The following OTOL1 variants were observed in gnomAD, a reference collection of about 807,000 sequenced individuals.
The protein encoded by OTOL1 is otolin 1.
In OTOL1, 31 loss-of-function variants were observed where a neutral mutation model predicts 25.0. That is an observed-to-expected ratio of 1.24 (90% confidence interval 0.93 to 1.67). The LOEUF (loss-of-function observed/expected upper bound fraction) is 1.67. Among genes scored for constraint, OTOL1 ranks in the 40% most tolerant of loss-of-function variants. OTOL1 has a pLI of 0.00. For synonymous variants in OTOL1, 225 were observed against 210.3 expected, an observed-to-expected ratio of 1.07 and a Z score of -0.61; for missense variants, 654 against 587.7, an observed-to-expected ratio of 1.11 and a Z score of -1.17.
At chr3:161,502,624 T>C (rs1719002214) in intron 3 of OTOL1, among the ~76,000 whole-genome samples, 1 of 152,210 alleles carries the variant, frequency 6.6e-6, no homozygotes, top group Non-Finnish European at 1.5e-5. Context: ...GTTCTGGGTC[T>C]CAGTTTCCTT....
chr3:161,502,904 C>G, intron 3 of OTOL1, 122 bp from the exon 4 acceptor site: 1 of 675,234 alleles, frequency 1.5e-6, no homozygotes, highest in East Asian at 3.3e-5. Flanking sequence ...ACAGTTTTTA[C>G]TGAGGAAAGA....
chr3:161,502,032 AATTTTTTGT>A (rs1450038328), intron 2 of OTOL1, among the ~76,000 whole-genome samples: 3 of 152,040 alleles, frequency 2.0e-5, no homozygotes, highest in African/African-American at 7.2e-5. Context: ...AAACCCGGCT[AATTTTTTGT>A]ATTTTTTGTA....
At chr3:161,499,058 C>A in intron 1 of OTOL1, 113 bp from the exon 2 acceptor site, 1 of 822,228 alleles carries the variant, frequency 1.2e-6, no homozygotes, top group South Asian at 1.6e-5. Flanking sequence ...CAGATTTTAC[C>A]ATTAGGTCAT....
intron 2 of OTOL1, among the ~76,000 whole-genome samples, chr3:161,501,889 C>T (rs921616513): frequency 7.9e-5 from 12 of 152,018 alleles, no homozygotes; most frequent in African/African-American, 2.7e-4. Context: ...TTTTTTTTGA[C>T]CAAGTCTCAC....
chr3:161,498,426 C>T (rs752316663), intron 1 of OTOL1, among the ~76,000 whole-genome samples: 1 of 152,098 alleles, frequency 6.6e-6, no homozygotes. Context: ...CTGACTGGTT[C>T]TGCCACAGAG....
At position 161,503,689 on chromosome 3, in the gene OTOL1, T is replaced by A. The variant is rs1229774073; in HGVS notation, c.1181T>A (p.Ile394Asn). The A allele has an allele frequency of 1.2e-6, 2 of 1,613,540 alleles. No homozygotes were observed. The highest frequency in any genetic ancestry group is 1.7e-6 in the Non-Finnish European group (2 of 1,179,760). ...GGGACATATGTTTTTTCCTACCATA[T>A]TACGGTGAGGGGGCGACCTGCTCGA... ...IPGTYVFSYH[I>N]TVRGRPARIS... Residue 394 changes from isoleucine to asparagine, a missense_variant, in exon 4 of 4, where the codon ATT becomes AAT. Physicochemically the swap from Ile to Asn is moderately radical, Grantham distance 149 (BLOSUM62 -3). Transcript: ENST00000327928.
intron 2 of OTOL1, 81 bp downstream of exon 2, chr3:161,499,341 A>C: frequency 2.1e-6 from 2 of 961,400 alleles, no homozygotes; most frequent in South Asian, 3.1e-5. Context: ...TAAAGACTAG[A>C]TTCTTGCAGA....
Position 161,502,508 on chromosome 3 carries a change from C to G in OTOL1, c.517+139C>G, listed in dbSNP as rs1225693726. The stretch of plus-strand genomic sequence containing the variant: ...GTTATTCTTCTAATAATTCAGTGTA[C>G]TGACTCAGTGAAGGAGAACCAGTCT... On this transcript the variant is annotated intron_variant, in intron 3 of 3. Coordinates refer to ENST00000327928, the MANE Select transcript of OTOL1 (RefSeq NM_001080440.1). The G allele has an allele frequency of 2.0e-5, 15 of 756,224 alleles. No homozygotes were observed. In the East Asian group the frequency reaches 4.1e-4, roughly 21 times the overall value. 46.8% of individuals were successfully genotyped at this position (756,224 alleles called of 1,614,324 possible). A position where few individuals can be genotyped will look rare whatever the true frequency, so the allele number is the denominator to read the frequency against.
At position 161,503,798 on chromosome 3, in the gene OTOL1, C is replaced by T. The variant is rs759583673; in HGVS notation, c.1290C>T (p.Leu430=). 1.7e-5 allele frequency: 27 copies of T among 1,613,760 alleles called. No homozygotes were observed. Among genetic ancestry groups the T allele is most frequent in the East Asian group, 4.5e-5 (2 of 44,864 alleles). Residue 430 remains leucine (L), a synonymous_variant, in exon 4 of 4, where the codon CTC becomes CTT. Coordinates refer to ENST00000327928, the MANE Select transcript of OTOL1 (RefSeq NM_001080440.1). ...YGQEIDQASL[L]VILKLSAGDQ... is the part of the protein sequence containing the mutation. Reference sequence around the variant, plus strand: ...AGGAAATAGACCAGGCCTCTCTCCTCGTCATCTTGAAATTAAGTGCAGGAG... The same window carrying T: ...AGGAAATAGACCAGGCCTCTCTCCTTGTCATCTTGAAATTAAGTGCAGGAG...
In OTOL1 at chr3:161,497,107, T is replaced by A. The variant is rs200381936; in HGVS notation, c.300T>A (p.Asn100Lys). ...TTGACCCAGCTGATTTCTTTTTGAA[T>A]TGTTGTGATTGTTGTTCACCTGTAC... ...FTLDPADFFLNCCDCCSPVPG... is the reference protein window; with the variant it reads ...FTLDPADFFLKCCDCCSPVPG... The change falls in exon 1 of 4, where the codon AAT (asparagine) becomes AAA (lysine). Residue 100 changes from asparagine (N) to lysine (K), a missense_variant. By Grantham distance (94) the Asn-to-Lys change is moderately conservative. Coordinates refer to ENST00000327928, the MANE Select transcript of OTOL1 (RefSeq NM_001080440.1). 143 of 1,613,578 alleles carry A rather than the reference T, an allele frequency of 8.9e-5. 1 individual carries two copies. The East Asian group carries it at 3.2e-3, about 36-fold the overall frequency.
In OTOL1 at chr3:161,503,223, G is replaced by C; in HGVS notation, c.715G>C (p.Gly239Arg). Residue 239 changes from glycine to arginine, a missense_variant, in exon 4 of 4, where the codon GGG (glycine) becomes CGG (arginine). By Grantham distance (125) the Gly-to-Arg change is moderately radical. Coordinates refer to ENST00000327928, the MANE Select transcript of OTOL1 (RefSeq NM_001080440.1). Reference protein sequence around the residue: ...KGEMGEKGEMGDKGCCGDSGE... With the variant: ...KGEMGEKGEMRDKGCCGDSGE... ...GGAGATGGGGGAGAAGGGGGAGATG[G>C]GGGATAAGGGCTGCTGTGGAGATTC... 1 of 1,449,694 alleles carries C rather than the reference G, an allele frequency of 6.9e-7. No individual in the cohort carries two copies. Among genetic ancestry groups the C allele is most frequent in the South Asian group, 1.5e-5 (1 of 66,706 alleles). 89.8% of individuals were successfully genotyped at this position (1,449,694 alleles called of 1,614,324 possible).
intron 1 of OTOL1, among the ~76,000 whole-genome samples, 183 bp downstream of exon 1, chr3:161,497,354 T>G (rs1417604516): frequency 6.6e-6 from 1 of 152,096 alleles, no homozygotes; most frequent in Non-Finnish European, 1.5e-5. Flanking sequence ...TTAATAAATA[T>G]TAAAATTAAA....
chr3:161,498,565 T>C (rs1202125489), intron 1 of OTOL1, among the ~76,000 whole-genome samples: 7 of 152,194 alleles, frequency 4.6e-5, no homozygotes, highest in Non-Finnish European at 8.8e-5. Flanking sequence ...AAGCCTCTGA[T>C]CTCATCAGTT....
chr3:161,499,554 T>A (rs1398000569), intron 2 of OTOL1, among the ~76,000 whole-genome samples: 1 of 152,236 alleles, frequency 6.6e-6, no homozygotes, highest in South Asian at 2.1e-4. Context: ...CCACAGAGTA[T>A]AGTCTCTGGG....
rs759794535 is a variant in OTOL1 at position 161,503,712 on chromosome 3, C to T, written c.1204C>T (p.Arg402Ter). ...YHITVRGRPA[R>*]ISLVAQNKKQ... ...TATTACGGTGAGGGGGCGACCTGCTCGAATCAGTCTGGTGGCCCAGAATAA... is the reference window on the plus strand; with the variant it reads ...TATTACGGTGAGGGGGCGACCTGCTTGAATCAGTCTGGTGGCCCAGAATAA... Residue 402 changes from arginine to a stop codon, truncating the protein, a stop_gained, in exon 4 of 4, where the codon CGA becomes TGA. Coordinates refer to ENST00000327928, the MANE Select transcript of OTOL1 (RefSeq NM_001080440.1). LOFTEE classifies it high-confidence loss of function. 49 of 1,613,530 alleles carry T rather than the reference C, an allele frequency of 3.0e-5. No homozygotes were observed. Among genetic ancestry groups the T allele is most frequent in the Non-Finnish European group, 4.1e-5 (48 of 1,179,770 alleles).
intron 1 of OTOL1, among the ~76,000 whole-genome samples, 159 bp downstream of exon 1, chr3:161,497,330 G>T (rs1443543630): frequency 6.6e-6 from 1 of 152,056 alleles, no homozygotes; most frequent in Non-Finnish European, 1.5e-5. Flanking sequence ...GTGCTGTGTT[G>T]CCCAATGTGG....
chr3:161,503,929 G>T lies in OTOL1; in HGVS notation c.1421G>T (p.Gly474Val). Residue 474 changes from glycine (G) to valine (V), a missense_variant, in exon 4 of 4, where the codon GGA becomes GTA. Gly to Val is a moderately radical substitution (Grantham distance 109, BLOSUM62 -3). Coordinates refer to ENST00000327928, the MANE Select transcript of OTOL1 (RefSeq NM_001080440.1). The part of the protein sequence containing the change: ...GFLLYPEETS[G>V]ISP ...CTTTTGTACCCAGAGGAAACTTCTG[G>T]AATTTCACCATAAATTTGTGTCCTG... The T allele has an allele frequency of 6.2e-7, 1 of 1,610,658 alleles. No homozygotes were observed. The highest frequency in any genetic ancestry group is 8.5e-7 in the Non-Finnish European group (1 of 1,177,984).
chr3:161,501,311 A>G (rs2108229436), intron 2 of OTOL1, among the ~76,000 whole-genome samples: 1 of 152,316 alleles, frequency 6.6e-6, no homozygotes, highest in East Asian at 1.9e-4. Context: ...TATCTGTGCA[A>G]AGTAAATGTG....
At position 161,503,673 on chromosome 3, in the gene OTOL1, G is replaced by A. The variant is rs1350412148; in HGVS notation, c.1165G>A (p.Val389Ile). 1 of 1,613,770 alleles carries A rather than the reference G, an allele frequency of 6.2e-7. No homozygotes were observed. Among genetic ancestry groups the A allele is most frequent in the Non-Finnish European group, 8.5e-7 (1 of 1,179,798 alleles). Residue 389 changes from valine to isoleucine, a missense_variant, in exon 4 of 4, where the codon GTT becomes ATT. Physicochemically the swap from Val to Ile is conservative, Grantham distance 29. Coordinates refer to ENST00000327928, the MANE Select transcript of OTOL1 (RefSeq NM_001080440.1). ...KFNCSIPGTY[V>I]FSYHITVRGR... ...TAACTGCTCTATTCCTGGGACATAT[G>A]TTTTTTCCTACCATATTACGGTGAG...
Sources: allele counts gnomAD v4.1 joint callset (sites outside exome capture counted in the v4.1 genomes callset), GRCh38; gene constraint gnomAD v4.1.1; transcripts MANE v1.5; gene names NCBI Gene and HGNC (gene_info 2026-07-23, HGNC 2026-07-21).